SNX24: variants seen among roughly 807,000 people sequenced by gnomAD.
SNX24 encodes sorting nexin-24.
Under a neutral mutation model 28.7 loss-of-function variants are expected in SNX24, and 22 were observed. That is an observed-to-expected ratio of 0.77 (90% CI 0.55 to 1.10). The LOEUF is 1.10. Ranked by LOEUF, SNX24 falls within the 50% of genes least tolerant of loss-of-function variation. SNX24 has a pLI of 0.00. For missense variants in SNX24, 221 were observed against 201.1 expected (o/e 1.10, Z -0.60); for synonymous variants, 69 against 71.5 (o/e 0.96, Z 0.18).
chr5:122,938,810 G>C (rs1203662561), intron 2 of SNX24, among the ~76,000 whole-genome samples: 1 of 52,428 alleles, frequency 1.9e-5, no homozygotes, highest in Non-Finnish European at 3.0e-5. Flanking sequence ...CGTAGTGGCG[G>C]GCGCCTGTAG....
At chr5:122,850,783 TA>T (rs1332553265) in intron 1 of SNX24, among the ~76,000 whole-genome samples, 1 of 83,872 alleles carries the variant, frequency 1.2e-5, no homozygotes, top group Non-Finnish European at 2.2e-5. Flanking sequence ...ACATTCAGCA[TA>T]AAAGTTAAAA....
At chr5:122,949,537 T>A (rs566570909) in intron 3 of SNX24, among the ~76,000 whole-genome samples, 22 of 152,158 alleles carry the variant, frequency 1.4e-4, no homozygotes, top group Non-Finnish European at 2.4e-4. Context: ...AATTAATGAA[T>A]TGCCACAGTG....
At chr5:122,996,260 T>G (rs1762049426) in intron 3 of SNX24, among the ~76,000 whole-genome samples, 1 of 152,162 alleles carries the variant, frequency 6.6e-6, no homozygotes, top group Non-Finnish European at 1.5e-5. Flanking sequence ...AAGGCCAGCG[T>G]GTCCTTTGGG....
chr5:123,000,334 A>C (rs1762205724), intron 4 of SNX24, among the ~76,000 whole-genome samples: 1 of 152,242 alleles, frequency 6.6e-6, no homozygotes, highest in Non-Finnish European at 1.5e-5. Context: ...TTATTAGTGG[A>C]AACTCGAACA....
At chr5:123,004,267 T>C (rs916325104) in intron 6 of SNX24, among the ~76,000 whole-genome samples, 2 of 152,206 alleles carry the variant, frequency 1.3e-5, no homozygotes, top group African/African-American at 4.8e-5. Flanking sequence ...TTGAAAAGCA[T>C]TTGCCTTTTG....
intron 1 of SNX24, among the ~76,000 whole-genome samples, chr5:122,894,636 A>G (rs1415576182): frequency 1.3e-5 from 2 of 152,210 alleles, no homozygotes; most frequent in Non-Finnish European, 2.9e-5. Context: ...TTTGCTAGAG[A>G]AAAGGCATTG....
intron 1 of SNX24, among the ~76,000 whole-genome samples, chr5:122,905,123 T>C (rs1464015801): frequency 2.6e-5 from 4 of 152,172 alleles, no homozygotes; most frequent in Non-Finnish European, 4.4e-5. Flanking sequence ...TGTGTAGATG[T>C]GAAACAAGAC....
At chr5:122,935,338 T>G (rs1421377440) in intron 1 of SNX24, among the ~76,000 whole-genome samples, 1 of 152,156 alleles carries the variant, frequency 6.6e-6, no homozygotes, top group Non-Finnish European at 1.5e-5. Flanking sequence ...TGAAGAAGAA[T>G]AATTTTCTCT....
chr5:122,931,154 G>A (rs116034059), intron 1 of SNX24, among the ~76,000 whole-genome samples: 3 of 152,164 alleles, frequency 2.0e-5, no homozygotes, highest in African/African-American at 7.2e-5. Flanking sequence ...TGAGAAAAAC[G>A]CTTCTTCCCC....
chr5:122,907,378 T>C (rs1474181412), intron 1 of SNX24, among the ~76,000 whole-genome samples: 1 of 152,002 alleles, frequency 6.6e-6, no homozygotes, highest in African/African-American at 2.4e-5. Flanking sequence ...ATTTGTAATA[T>C]GGGGGAACAC....
chr5:122,984,153 A>G (rs960492608), intron 3 of SNX24, among the ~76,000 whole-genome samples: 10 of 152,176 alleles, frequency 6.6e-5, no homozygotes, highest in African/African-American at 2.4e-4. Context: ...TATGTGCCAT[A>G]TGATCATCAC....
chr5:122,869,965 TA>T (rs1342300930), intron 1 of SNX24, among the ~76,000 whole-genome samples: 4 of 152,074 alleles, frequency 2.6e-5, no homozygotes, highest in Non-Finnish European at 5.9e-5. Flanking sequence ...TGCCATGGAT[TA>T]ACTTTGTCAG....
At chr5:122,923,833 C>G (rs1228889039) in intron 1 of SNX24, among the ~76,000 whole-genome samples, 1 of 152,238 alleles carries the variant, frequency 6.6e-6, no homozygotes, top group African/African-American at 2.4e-5. Flanking sequence ...CGAGCTTACG[C>G]TTTACCCTTC....
At position 123,007,687 on chromosome 5, in the gene SNX24, C is replaced by A; in HGVS notation, c.448C>A (p.Pro150Thr). Residue 150 changes from proline to threonine, a missense_variant, in exon 7 of 7, where the codon CCA becomes ACA. By Grantham distance (38) the Pro-to-Thr change is conservative. Coordinates refer to ENST00000261369, the MANE Select transcript of SNX24 (RefSeq NM_014035.4). ...PYVLPAASDFPNVVIEGVLHG... is the reference protein window; with the variant it reads ...PYVLPAASDFTNVVIEGVLHG... ...TTTTTTTTTCTTTTTTTCAGATTTT[C>A]CAAATGTGGTTATTGAAGGAGTCCT... 7 of 1,478,064 alleles carry A rather than the reference C, an allele frequency of 4.7e-6. No individual in the cohort carries two copies. The highest frequency in any genetic ancestry group is 1.4e-5 in the South Asian group (1 of 70,334). The allele number at this position is 1,478,064 out of a possible 1,614,324, so 91.6% of individuals were successfully genotyped here.
intron 5 of SNX24, among the ~76,000 whole-genome samples, chr5:123,018,489 C>T (rs1391035953): frequency 2.0e-5 from 3 of 152,088 alleles, no homozygotes; most frequent in Admixed American, 6.5e-5. Flanking sequence ...GTTTTAACAG[C>T]GCTTTGAAGG....
intron 5 of SNX24, 71 bp from the exon 6 acceptor site, chr5:123,001,869 A>G: frequency 7.6e-7 from 1 of 1,318,472 alleles, no homozygotes; most frequent in Non-Finnish European, 1.1e-6. Context: ...GATCCCCTCA[A>G]AGCTAGTTTG....
chr5:122,961,252 T>G (rs1337761191), intron 3 of SNX24, among the ~76,000 whole-genome samples: 1 of 152,204 alleles, frequency 6.6e-6, no homozygotes, highest in African/African-American at 2.4e-5. Flanking sequence ...CTCAGGGTTC[T>G]TAGAAGTTTT....
intron 3 of SNX24, among the ~76,000 whole-genome samples, chr5:122,974,477 A>G (rs1761088823): frequency 6.6e-6 from 1 of 152,360 alleles, no homozygotes; most frequent in African/African-American, 2.4e-5. Context: ...AGCTGAAAGC[A>G]AATTACTTCT....
chr5:123,012,137 T>G (rs901729888), downstream of SNX24, among the ~76,000 whole-genome samples: 1 of 152,174 alleles, frequency 6.6e-6, no homozygotes, highest in Admixed American at 6.5e-5. Flanking sequence ...CTGCCAAGAT[T>G]GTAAGTTTCC....
Sources: gnomAD v4.1 joint callset for allele counts (sites outside exome capture counted in the v4.1 genomes callset) on GRCh38, gnomAD v4.1.1 for gene constraint, MANE v1.5 for transcripts, NCBI Gene and HGNC (gene_info 2026-07-23, HGNC 2026-07-21) for gene names.